Variants in C17orf99 observed in about 807,000 individuals in gnomAD.
C17orf99 encodes protein IL-40.
In C17orf99, 18 loss-of-function variants were observed where a neutral mutation model predicts 22.6. The observed-to-expected ratio is 0.80, with a 90% CI of 0.55 to 1.18. The LOEUF (loss-of-function observed/expected upper bound fraction) is 1.18. Ranked by LOEUF, C17orf99 falls within the 50% of genes most tolerant of loss-of-function variation. The probability of loss-of-function intolerance (pLI) is 0.00; values close to 1 mark genes in which losing one functional copy is unlikely to be tolerated. For missense variants in C17orf99, 328 were observed against 342.7 expected, an observed-to-expected ratio of 0.96 and a Z score of 0.34; for synonymous variants, 147 against 136.6, an observed-to-expected ratio of 1.08 and a Z score of -0.53.
At chr17:78,151,608 G>A (rs1056465107) in intron 2 of C17orf99, among the ~76,000 whole-genome samples, 1 of 151,920 alleles carries the variant, frequency 6.6e-6, no homozygotes, top group Non-Finnish European at 1.5e-5. Context: ...GTTTCTGGGG[G>A]TTGCCTCCCT....
At chr17:78,157,261 C>T (rs1324730208) in intron 2 of C17orf99, 4 of 295,946 alleles carry the variant, frequency 1.4e-5, no homozygotes, top group African/African-American at 7.0e-5. Flanking sequence ...GTCTGGAGTT[C>T]AAGAGCAGCC....
chr17:78,158,353 G>GGT (rs2145789009), intron 2 of C17orf99, among the ~76,000 whole-genome samples: 1 of 152,016 alleles, frequency 6.6e-6, no homozygotes, highest in Admixed American at 6.6e-5. Flanking sequence ...GGAGTGCAGT[G>GGT]GCACCATCTC....
At chr17:78,164,597 G>T (rs959741647) in intron 4 of C17orf99, 2 of 1,524,170 alleles carry the variant, frequency 1.3e-6, no homozygotes, top group African/African-American at 2.7e-5. Flanking sequence ...CCATCGTGCT[G>T]GTTGGCAGCC....
intron 3 of C17orf99, 23 bp downstream of exon 3, chr17:78,161,277 G>A: frequency 6.5e-7 from 1 of 1,542,450 alleles, no homozygotes; most frequent in Non-Finnish European, 8.8e-7. Flanking sequence ...GGGGGCACAG[G>A]GCTGAGGAGG....
At chr17:78,154,438 C>T (rs1046273116) in intron 2 of C17orf99, among the ~76,000 whole-genome samples, 3 of 152,064 alleles carry the variant, frequency 2.0e-5, no homozygotes, top group Non-Finnish European at 4.4e-5. Context: ...ATCCCAGCTA[C>T]TCGGGCAGCT....
At chr17:78,158,183 G>T in intron 2 of C17orf99, 1 of 731,554 alleles carries the variant, frequency 1.4e-6, no homozygotes, top group East Asian at 3.5e-5. Context: ...GGAGGCAGCT[G>T]CTGCAATCAA....
At position 78,161,141 on chromosome 17, in the gene C17orf99, A is replaced by T. The variant is rs554071901; in HGVS notation, c.257A>T (p.Asn86Ile). 6 of 1,551,610 alleles carry T rather than the reference A, an allele frequency of 3.9e-6. No individual in the cohort carries two copies. The highest frequency in any genetic ancestry group is 5.2e-6 in the Non-Finnish European group (6 of 1,146,948). ...KTHEPASFNL[N>I]VTLKSSPDLL... Reference sequence around the variant, plus strand: ...CACGAGCCGGCCTCCTTCAACCTCAACGTCACACTCAAGTCCAGTCCAGAC... The same window carrying T: ...CACGAGCCGGCCTCCTTCAACCTCATCGTCACACTCAAGTCCAGTCCAGAC... Residue 86 changes from asparagine (N) to isoleucine (I), a missense_variant, in exon 3 of 5, where the codon AAC becomes ATC. Physicochemically the swap from Asn to Ile is moderately radical, Grantham distance 149 (BLOSUM62 -3). Coordinates refer to ENST00000340363, the MANE Select transcript of C17orf99 (RefSeq NM_001163075.2).
intron 2 of C17orf99, among the ~76,000 whole-genome samples, chr17:78,150,690 A>T (rs1011085829): frequency 6.6e-6 from 1 of 152,172 alleles, no homozygotes; most frequent in Non-Finnish European, 1.5e-5. Flanking sequence ...CGGGATCCAC[A>T]TCGCCTGGGA....
intron 2 of C17orf99, among the ~76,000 whole-genome samples, chr17:78,154,942 T>G (rs1179313883): frequency 6.6e-6 from 1 of 152,110 alleles, no homozygotes; most frequent in Non-Finnish European, 1.5e-5. Context: ...TGTGCAGCCC[T>G]GGGCAGGGGA....
rs770400417 is a variant in C17orf99, at chr17:78,164,653, C to T, written c.640+289C>T. The T allele has an allele frequency of 8.9e-6, 13 of 1,465,066 alleles. No homozygotes were observed. In the East Asian group the frequency reaches 1.5e-4, roughly 16 times the overall value. The allele number at this position is 1,465,066 out of a possible 1,614,324, so 90.8% of individuals were successfully genotyped here. ...ACCTCCAGGATGCTGGGCTGGACCA[C>T]GTGGGCCAGGTAGGAAATGGGTGCT... On this transcript the variant is annotated intron_variant, in intron 4 of 4. Coordinates refer to ENST00000340363, the MANE Select transcript of C17orf99 (RefSeq NM_001163075.2).
chr17:78,165,725 C>A, intron 4 of C17orf99, 164 bp from the exon 5 acceptor site: 3 of 1,096,028 alleles, frequency 2.7e-6, no homozygotes, highest in Non-Finnish European at 3.5e-6. Context: ...TCACTTGAAC[C>A]CAGGAGGTGG....
Position 78,146,970 on chromosome 17 carries a change from C to G in C17orf99, c.70+59C>G. The G allele has an allele frequency of 6.8e-7, 1 of 1,471,384 alleles. No homozygotes were observed. The highest frequency in any genetic ancestry group is 9.3e-7 in the Non-Finnish European group (1 of 1,074,220). 91.1% of individuals were successfully genotyped at this position (1,471,384 alleles called of 1,614,324 possible). On this transcript the variant is annotated intron_variant, in intron 2 of 4. Transcript: ENST00000340363. The surrounding 1 kb of genome is among the most constrained non-coding windows in gnomAD (Gnocchi z 5.2). The stretch of plus-strand genomic sequence containing the variant: ...CCCAGCTGGGACCCTGGTGTCAGAA[C>G]CCCCATGGTGGAGGGCGCCTCGGCT...
intron 2 of C17orf99, among the ~76,000 whole-genome samples, chr17:78,148,475 G>A (rs1369062890): frequency 6.6e-6 from 1 of 151,998 alleles, no homozygotes; most frequent in Non-Finnish European, 1.5e-5. Flanking sequence ...GCAGTGAACC[G>A]TAATCATTAA....
chr17:78,164,173 C>A lies in C17orf99; in HGVS notation c.449C>A (p.Ala150Glu). Reference protein sequence around the residue: ...AGPRVEMICQASSGSPPITNS... With the variant: ...AGPRVEMICQESSGSPPITNS... ...CCCAGGGTGGAGATGATCTGCCAGG[C>A]GTCCTCGGGCAGCCCACCTATCACC... Residue 150 changes from alanine (A) to glutamate (E), a missense_variant, in exon 4 of 5, where the codon GCG (alanine) becomes GAG (glutamate). Ala to Glu is a moderately radical substitution (Grantham distance 107, BLOSUM62 -1). Coordinates refer to ENST00000340363, the MANE Select transcript of C17orf99 (RefSeq NM_001163075.2). 1 of 1,551,560 alleles carries A rather than the reference C, an allele frequency of 6.4e-7. No individual in the cohort carries two copies. The highest frequency in any genetic ancestry group is 8.7e-7 in the Non-Finnish European group (1 of 1,146,974).
intron 2 of C17orf99, among the ~76,000 whole-genome samples, chr17:78,151,423 C>CAAAAAAA (rs35828431): frequency 1.8e-5 from 1 of 56,166 alleles, no homozygotes; most frequent in African/African-American, 6.8e-5. Context: ...GACTCTGTCT[C>CAAAAAAA]AAAAAAAAAA....
Position 78,146,513 on chromosome 17 carries a change from T to A in C17orf99, c.37+69T>A. The A allele has an allele frequency of 1.4e-6, 2 of 1,397,064 alleles. No homozygotes were observed. The highest frequency in any genetic ancestry group is 1.2e-5 in the South Asian group (1 of 81,042). 86.5% of individuals were successfully genotyped at this position (1,397,064 alleles called of 1,614,324 possible). The stretch of plus-strand genomic sequence containing the variant: ...TTGAGGTCTTGGGCTCAGGTGGGGG[T>A]ACTGGGAGCACAGGAGAGATGAGGC... On this transcript the variant is annotated intron_variant, in intron 1 of 4. Transcript: ENST00000340363. This position sits in a 1 kb window ranked among gnomAD's most constrained non-coding sequence, Gnocchi z 5.2.
intron 3 of C17orf99, 31 bp downstream of exon 3, chr17:78,161,285 A>T (rs1445296156): frequency 2.5e-5 from 39 of 1,535,612 alleles, no homozygotes; most frequent in Non-Finnish European, 3.4e-5. Flanking sequence ...AGGGCTGAGG[A>T]GGCAGGTGGG....
chr17:78,149,201 G>T (rs564042857), intron 2 of C17orf99, among the ~76,000 whole-genome samples: 2 of 151,772 alleles, frequency 1.3e-5, no homozygotes, highest in Non-Finnish European at 2.9e-5. Context: ...GCGTGGTGGC[G>T]CACGTCTGTA....
rs1385068002 is a variant in C17orf99 at position 78,146,949 on chromosome 17, G to A, written c.70+38G>A. The A allele has an allele frequency of 1.1e-5, 17 of 1,543,168 alleles. No individual in the cohort carries two copies. Among genetic ancestry groups the A allele is most frequent in the Admixed American group, 2.0e-5 (1 of 50,966 alleles). ...GCCTGCTGCAGGGAGAAGTCCCCCA[G>A]CTGGGACCCTGGTGTCAGAACCCCC... On this transcript the variant is annotated intron_variant, in intron 2 of 4. Transcript: ENST00000340363. The surrounding 1 kb of genome is among the most constrained non-coding windows in gnomAD (Gnocchi z 5.2).
Sources: gnomAD v4.1 joint callset for allele counts (sites outside exome capture counted in the v4.1 genomes callset) on GRCh38, gnomAD v4.1.1 for gene constraint, Gnocchi (gnomAD v3.1) non-coding constraint, MANE v1.5 for transcripts, NCBI Gene and HGNC (gene_info 2026-07-23, HGNC 2026-07-21) for gene names.